The following KIAA1958 variants were observed in gnomAD, a reference collection of about 807,000 sequenced individuals.
KIAA1958 encodes the protein uncharacterized protein KIAA1958.
KIAA1958 carries 14 observed loss-of-function variants against 47.2 expected under a neutral mutation model. The ratio of observed to expected loss-of-function variants is 0.30; its 90% CI spans 0.20 to 0.46. KIAA1958 has a LOEUF of 0.46. Ranked by LOEUF, KIAA1958 falls within the 20% of genes least tolerant of loss-of-function variation. KIAA1958 has a pLI of 1.00. For synonymous variants in KIAA1958, 354 were observed against 353.3 expected, an observed-to-expected ratio of 1.00 and a Z score of -0.02; for missense variants, 803 against 909.2, an observed-to-expected ratio of 0.88 and a Z score of 1.50.
rs929436920 is a variant in KIAA1958, at chr9:112,664,722, C to A, written c.*4653C>A. On this transcript the variant is annotated 3_prime_UTR_variant, in exon 4 of 4. Coordinates refer to ENST00000337530, the MANE Select transcript of KIAA1958 (RefSeq NM_133465.4). ...TGCATTTTCCCATATAAATGAATCA[C>A]CCTTATTAAAACAGGAGGAGGGAGG... 4 of 152,174 alleles carry A rather than the reference C, an allele frequency of 2.6e-5. No individual in the cohort carries two copies. Among genetic ancestry groups the A allele is most frequent in the African/African-American group, 9.7e-5 (4 of 41,426 alleles). 9.4% of individuals were successfully genotyped at this position (152,174 alleles called of 1,614,324 possible).
At chr9:112,553,432 G>A (rs4978499) in intron 1 of KIAA1958, among the ~76,000 whole-genome samples, 145,165 of 152,156 alleles carry the variant, frequency 0.95, 69,318 homozygotes, top group African/African-American at 0.99. Flanking sequence ...TCCTGCTTCA[G>A]TGTGCTGGGA....
chr9:112,641,833 G>A (rs908943696), intron 2 of KIAA1958, among the ~76,000 whole-genome samples: 5 of 151,944 alleles, frequency 3.3e-5, no homozygotes, highest in African/African-American at 1.2e-4. Flanking sequence ...TAAATTTCCA[G>A]GATCTTTCTT....
chr9:112,498,502 A>G (rs1005646762), intron 1 of KIAA1958, among the ~76,000 whole-genome samples: 2 of 152,186 alleles, frequency 1.3e-5, no homozygotes, highest in African/African-American at 2.4e-5. Context: ...AATCCATAAA[A>G]TTCACGGCTT....
intron 1 of KIAA1958, among the ~76,000 whole-genome samples, chr9:112,529,081 C>T (rs897108534): frequency 2.6e-5 from 4 of 152,076 alleles, no homozygotes; most frequent in African/African-American, 9.7e-5. Context: ...ATTGAATTGC[C>T]AGGAGGTGGT....
At chr9:112,573,951 G>GT (rs543727490) in intron 1 of KIAA1958, 106 bp from the exon 2 acceptor site, 23,576 of 478,856 alleles carry the variant, frequency 0.049, 7 homozygotes, top group South Asian at 0.067. Flanking sequence ...TTTGAAGTGC[G>GT]TTTTTTTTTT....
chr9:112,556,768 C>T (rs1835249028), intron 1 of KIAA1958, among the ~76,000 whole-genome samples: 1 of 152,300 alleles, frequency 6.6e-6, no homozygotes, highest in Non-Finnish European at 1.5e-5. Context: ...GTTGACCCCT[C>T]CCCTCTCTGA....
chr9:112,601,708 A>G (rs1425812591), intron 2 of KIAA1958, among the ~76,000 whole-genome samples: 2 of 152,156 alleles, frequency 1.3e-5, no homozygotes, highest in Non-Finnish European at 2.9e-5. Flanking sequence ...GTTCTTTAGG[A>G]CCATGTGTTG....
At chr9:112,601,432 T>C (rs543681776) in intron 2 of KIAA1958, among the ~76,000 whole-genome samples, 5 of 152,302 alleles carry the variant, frequency 3.3e-5, no homozygotes, top group Admixed American at 3.3e-4. Context: ...GGAGTCGTTT[T>C]CTAGGTCTTC....
At position 112,573,265 on chromosome 9, in the gene KIAA1958, A is replaced by G. The variant is rs116326759; in HGVS notation, c.-24-792A>G. Among the ~76,000 whole-genome samples, 1,080 of 152,300 alleles carry G rather than the reference A, an allele frequency of 7.1e-3. 15 individuals carry two copies. The highest frequency in any genetic ancestry group is 0.025 in the African/African-American group (1,021 of 41,562). On this transcript the variant is annotated intron_variant, in intron 1 of 3. Transcript: ENST00000337530. ...AGACCCTCAGATGGTAGAAAACACC[A>G]GACATACTTTGTAACCTCTAATGGT...
intron 1 of KIAA1958, among the ~76,000 whole-genome samples, chr9:112,506,412 C>G (rs1165976772): frequency 6.6e-6 from 1 of 152,132 alleles, no homozygotes; most frequent in Non-Finnish European, 1.5e-5. Flanking sequence ...GCCGAGATCA[C>G]GCCACTACAC....
At position 112,660,070 on chromosome 9, in the gene KIAA1958, G is replaced by A; in HGVS notation, c.*1G>A. On this transcript the variant is annotated 3_prime_UTR_variant, in exon 4 of 4. Transcript: ENST00000337530. Reference sequence around the variant, plus strand: ...TGGCTCCCACAGCTGCTGCCAGTGAGCCCCCACTGGGGCCCGGCCACTGCC... The same window carrying A: ...TGGCTCCCACAGCTGCTGCCAGTGAACCCCCACTGGGGCCCGGCCACTGCC... The A allele has an allele frequency of 6.2e-7, 1 of 1,611,498 alleles. No homozygotes were observed.
chr9:112,509,673 C>G (rs1366565838), intron 1 of KIAA1958, among the ~76,000 whole-genome samples: 2 of 152,108 alleles, frequency 1.3e-5, no homozygotes, highest in Non-Finnish European at 2.9e-5. Context: ...AATAGTGATA[C>G]AGTAGAGGAA....
At chr9:112,631,640 A>C (rs1836710083) in intron 2 of KIAA1958, among the ~76,000 whole-genome samples, 1 of 152,116 alleles carries the variant, frequency 6.6e-6, no homozygotes, top group Admixed American at 6.6e-5. Flanking sequence ...ATTATTAATA[A>C]TTGATAAATA....
chr9:112,616,116 C>T (rs952112337), intron 2 of KIAA1958, among the ~76,000 whole-genome samples: 1 of 152,236 alleles, frequency 6.6e-6, no homozygotes, highest in Non-Finnish European at 1.5e-5. Flanking sequence ...TACATTCAAC[C>T]TGTGGCTTCC....
At chr9:112,587,922 G>A (rs1372432064) in intron 2 of KIAA1958, among the ~76,000 whole-genome samples, 1 of 152,120 alleles carries the variant, frequency 6.6e-6, no homozygotes, top group Non-Finnish European at 1.5e-5. Context: ...GAAAGATGAG[G>A]ATTTAACTCA....
chr9:112,591,179 G>A (rs2131190305), intron 2 of KIAA1958, among the ~76,000 whole-genome samples: 1 of 152,262 alleles, frequency 6.6e-6, no homozygotes, highest in South Asian at 2.1e-4. Context: ...TGCCTCCCGG[G>A]TTCGTGCCAT....
At chr9:112,548,464 C>G (rs765271515) in intron 1 of KIAA1958, among the ~76,000 whole-genome samples, 5 of 152,184 alleles carry the variant, frequency 3.3e-5, no homozygotes, top group Non-Finnish European at 7.3e-5. Context: ...CTTAGGATCT[C>G]CTGGGGCTGT....
At position 112,618,080 on chromosome 9, in the gene KIAA1958, G is replaced by A. The variant is rs1836437667; in HGVS notation, c.1172-27570G>A. 3 of 1,550,420 alleles carry A rather than the reference G, an allele frequency of 1.9e-6. No individual in the cohort carries two copies. Among genetic ancestry groups the A allele is most frequent in the Non-Finnish European group, 2.6e-6 (3 of 1,147,002 alleles). On this transcript the variant is annotated intron_variant, in intron 2 of 3. Transcript: ENST00000337530. This position sits in a 1 kb window ranked among gnomAD's most constrained non-coding sequence, Gnocchi z 7.1. ...CAGGCAGAAGGATGGGTCCGAATAC[G>A]AACCCAACAGCTTGGCCAATTACCA...
chr9:112,555,849 C>T lies in KIAA1958; in HGVS notation c.-24-18208C>T, dbSNP rs534114313. 5.3e-5 allele frequency among the ~76,000 whole-genome samples: 8 copies of T among 152,230 alleles called. No homozygotes were observed. The East Asian group carries it at 1.5e-3, about 29-fold the overall frequency. ...TAGCACTTTGGGAGGCCAAGGCGGG[C>T]AGATCACTTGAGGTCAGGAGTTTAA... On this transcript the variant is annotated intron_variant, in intron 1 of 3. Transcript: ENST00000337530.
Sources: allele counts gnomAD v4.1 joint callset (sites outside exome capture counted in the v4.1 genomes callset), GRCh38; gene constraint gnomAD v4.1.1; non-coding constraint Gnocchi (gnomAD v3.1); transcripts MANE v1.5; gene names NCBI Gene and HGNC (gene_info 2026-07-23, HGNC 2026-07-21).